Variants in TCERG1L observed in about 807,000 individuals in gnomAD.
The protein encoded by TCERG1L is transcription elongation regulator 1-like protein.
TCERG1L carries 37 observed loss-of-function variants against 56.3 expected under a neutral mutation model. The ratio of observed to expected loss-of-function variants is 0.66; its 90% CI spans 0.51 to 0.87. The LOEUF (loss-of-function observed/expected upper bound fraction) is 0.87, where lower values mean the gene tolerates loss of function less well. Ranked by LOEUF, TCERG1L falls within the 40% of genes least tolerant of loss-of-function variation. The pLI, the probability that TCERG1L is intolerant of heterozygous loss-of-function variation, is 0.00. For synonymous variants in TCERG1L, 324 were observed against 326.3 expected, an observed-to-expected ratio of 0.99 and a Z score of 0.08; for missense variants, 799 against 774.2, an observed-to-expected ratio of 1.03 and a Z score of -0.38.
In TCERG1L at chr10:131,309,264, C is replaced by T. The variant is rs765144939; in HGVS notation, c.378G>A (p.Leu126=). Residue 126 remains leucine (L), a synonymous_variant, in exon 2 of 12, where the codon CTG becomes CTA. Transcript: ENST00000368642. The part of the protein sequence containing the change: ...LFGGHSPSLG[L]PPSSTVELVP... ...CCAGCTCCACTGTGGAAGAGGGGGG[C>T]AGTCCTAGGGACGGAGAATGGCCAC... The T allele has an allele frequency of 1.6e-5, 25 of 1,603,148 alleles. No individual in the cohort carries two copies. Among genetic ancestry groups the T allele is most frequent in the Admixed American group, 1.2e-4 (7 of 57,328 alleles).
intron 5 of TCERG1L, among the ~76,000 whole-genome samples, chr10:131,163,693 C>G (rs762441649): frequency 7.9e-5 from 12 of 152,174 alleles, no homozygotes; most frequent in Non-Finnish European, 1.6e-4. Context: ...AATAACGACT[C>G]TGCCACATAG....
At chr10:131,282,216 C>T (rs975209746) in intron 3 of TCERG1L, among the ~76,000 whole-genome samples, 1 of 151,708 alleles carries the variant, frequency 6.6e-6, no homozygotes, top group African/African-American at 2.4e-5. Flanking sequence ...ATCTTCACCT[C>T]TGAAAGCACA....
intron 6 of TCERG1L, among the ~76,000 whole-genome samples, chr10:131,156,666 A>G (rs1030765341): frequency 6.6e-6 from 1 of 152,168 alleles, no homozygotes; most frequent in African/African-American, 2.4e-5. Flanking sequence ...TATGTTATCT[A>G]TAGATTCCAG....
intron 7 of TCERG1L, among the ~76,000 whole-genome samples, chr10:131,145,280 G>C (rs1315615585): frequency 6.6e-6 from 1 of 152,160 alleles, no homozygotes; most frequent in African/African-American, 2.4e-5. Context: ...TTCCTGTCAT[G>C]ATTTTAAAGC....
chr10:131,168,504 T>G (rs1296111159), intron 4 of TCERG1L, among the ~76,000 whole-genome samples: 3 of 152,170 alleles, frequency 2.0e-5, no homozygotes, highest in African/African-American at 7.2e-5. Context: ...GCAAATTTAT[T>G]TCAGGTGCGG....
At chr10:131,206,258 C>A (rs777557483) in intron 4 of TCERG1L, among the ~76,000 whole-genome samples, 1 of 152,210 alleles carries the variant, frequency 6.6e-6, no homozygotes, top group African/African-American at 2.4e-5. Flanking sequence ...GCTGGTCCTG[C>A]GGACCGGCTG....
intron 3 of TCERG1L, among the ~76,000 whole-genome samples, chr10:131,295,236 G>A (rs1000527365): frequency 3.3e-5 from 5 of 152,130 alleles, no homozygotes; most frequent in South Asian, 2.1e-4. Context: ...AGCCAACATC[G>A]CTTAGGAATA....
At chr10:131,287,461 A>T (rs993285263) in intron 3 of TCERG1L, among the ~76,000 whole-genome samples, 1 of 152,236 alleles carries the variant, frequency 6.6e-6, no homozygotes, top group East Asian at 1.9e-4. Context: ...TGGTAAATAC[A>T]AATCTCACTT....
intron 8 of TCERG1L, among the ~76,000 whole-genome samples, chr10:131,122,871 G>C (rs998322396): frequency 6.6e-6 from 1 of 152,196 alleles, no homozygotes; most frequent in African/African-American, 2.4e-5. Context: ...TGGGTGGTTG[G>C]TGTCAGAATT....
rs1392726175 is a variant in TCERG1L, at chr10:131,311,003, G to C, written c.342+291C>G. Among the ~76,000 whole-genome samples the C allele has an allele frequency of 2.6e-5, 4 of 152,184 alleles. No homozygotes were observed. The South Asian group carries it at 6.2e-4, about 24-fold the overall frequency. On this transcript the variant is annotated intron_variant, in intron 1 of 11. Coordinates refer to ENST00000368642, the MANE Select transcript of TCERG1L (RefSeq NM_174937.4). This position sits in a 1 kb window ranked among gnomAD's most constrained non-coding sequence, Gnocchi z 4.0. ...CTCGCGATGGACAGTGACCCCCGGC[G>C]TGGCGCGAGTTCCCTGCGGTCCCCA...
intron 3 of TCERG1L, among the ~76,000 whole-genome samples, chr10:131,305,225 G>A (rs80160792): frequency 0.02 from 3,002 of 152,108 alleles, 76 homozygotes; most frequent in East Asian, 0.076. Context: ...CCCTTTGGGA[G>A]GCTCAAAAAT....
At chr10:131,261,757 G>T (rs1399563007) in intron 3 of TCERG1L, among the ~76,000 whole-genome samples, 1 of 152,310 alleles carries the variant, frequency 6.6e-6, no homozygotes, top group East Asian at 1.9e-4. Flanking sequence ...AAGAGGCAGG[G>T]TGCTCATTCT....
intron 4 of TCERG1L, among the ~76,000 whole-genome samples, chr10:131,255,948 T>C (rs145934763): frequency 1.1e-3 from 172 of 152,342 alleles, no homozygotes; most frequent in Non-Finnish European, 1.9e-3. Context: ...TAACAAACTA[T>C]ACAAAAGGGG....
intron 4 of TCERG1L, among the ~76,000 whole-genome samples, chr10:131,255,950 C>T (rs1846161139): frequency 6.6e-6 from 1 of 152,174 alleles, no homozygotes; most frequent in African/African-American, 2.4e-5. Context: ...ACAAACTATA[C>T]AAAAGGGGTT....
chr10:131,304,777 T>C (rs1280485671), intron 3 of TCERG1L, among the ~76,000 whole-genome samples: 1 of 152,092 alleles, frequency 6.6e-6, no homozygotes, highest in Non-Finnish European at 1.5e-5. Flanking sequence ...GTGGCTCCTC[T>C]GCTTCCTGAG....
At chr10:131,138,544 C>G (rs1204259025) in intron 7 of TCERG1L, among the ~76,000 whole-genome samples, 1 of 152,130 alleles carries the variant, frequency 6.6e-6, no homozygotes, top group Non-Finnish European at 1.5e-5. Flanking sequence ...CATGCAAAAC[C>G]AGGAAAGTAG....
chr10:131,135,890 G>A (rs937491706), intron 7 of TCERG1L, among the ~76,000 whole-genome samples: 5 of 152,356 alleles, frequency 3.3e-5, no homozygotes, highest in South Asian at 2.1e-4. Flanking sequence ...ACTTGGCCCC[G>A]GAAGGGCGGA....
At chr10:131,121,787 C>A (rs1402608103) in intron 8 of TCERG1L, among the ~76,000 whole-genome samples, 1 of 152,244 alleles carries the variant, frequency 6.6e-6, no homozygotes, top group Non-Finnish European at 1.5e-5. Flanking sequence ...TGCAGCCCTG[C>A]AGACGGACAG....
At chr10:131,223,101 C>T (rs1279572654) in intron 4 of TCERG1L, among the ~76,000 whole-genome samples, 7 of 152,318 alleles carry the variant, frequency 4.6e-5, no homozygotes, top group Admixed American at 2.0e-4. Context: ...CCAGAGGATG[C>T]CGGTCAGCCT....
Sources: gnomAD v4.1 joint callset for allele counts (sites outside exome capture counted in the v4.1 genomes callset) on GRCh38, gnomAD v4.1.1 for gene constraint, Gnocchi (gnomAD v3.1) non-coding constraint, MANE v1.5 for transcripts, NCBI Gene and HGNC (gene_info 2026-07-23, HGNC 2026-07-21) for gene names.